The following GALNT13 variants were observed in gnomAD, a reference collection of about 807,000 sequenced individuals.
The protein encoded by GALNT13 is polypeptide N-acetylgalactosaminyltransferase 13, also known as UDP-GalNAc:polypeptide N-acetylgalactosaminyltransferase 13.
In GALNT13, 28 loss-of-function variants were observed where a neutral mutation model predicts 64.2. The ratio of observed to expected loss-of-function variants is 0.44; its 90% CI spans 0.32 to 0.60. The LOEUF is 0.60. Ranked by LOEUF, GALNT13 falls within the 20% of genes least tolerant of loss-of-function variation. The pLI is 0.05. For synonymous variants in GALNT13, 214 were observed against 224.6 expected (o/e 0.95, Z 0.42); for missense variants, 577 against 669.8 (o/e 0.86, Z 1.53).
the GALNT13 span, among the ~76,000 whole-genome samples, chr2:153,444,142 TCTATCTAC>T: frequency 6.6e-6 from 1 of 152,292 alleles, no homozygotes; most frequent in African/African-American, 2.4e-5. Context: ...CATTTATTCA[TCTATCTAC>T]CTATCTATCA....
intron 9 of GALNT13, among the ~76,000 whole-genome samples, chr2:154,332,096 A>G (rs890594553): frequency 2.6e-5 from 4 of 152,128 alleles, no homozygotes; most frequent in African/African-American, 9.6e-5. Flanking sequence ...CTTCTCATAC[A>G]TGGATAGCAA....
chr2:153,719,867 GGCA>G, the GALNT13 span, among the ~76,000 whole-genome samples: 1 of 151,842 alleles, frequency 6.6e-6, no homozygotes, highest in Admixed American at 6.6e-5. Flanking sequence ...ACTGCAAGGC[GGCA>G]GCGAGGCTGG....
At chr2:153,696,699 A>C in the GALNT13 span, among the ~76,000 whole-genome samples, 1 of 152,212 alleles carries the variant, frequency 6.6e-6, no homozygotes, top group African/African-American at 2.4e-5. Flanking sequence ...TTTGGACTGC[A>C]GTTGACCATG....
chr2:154,340,316 T>C (rs1307603601), intron 9 of GALNT13, among the ~76,000 whole-genome samples: 2 of 152,122 alleles, frequency 1.3e-5, no homozygotes, highest in Admixed American at 1.3e-4. Context: ...CTAGGACTCT[T>C]GAGCTCAAAT....
chr2:153,514,896 A>G, the GALNT13 span, among the ~76,000 whole-genome samples: 1 of 152,160 alleles, frequency 6.6e-6, no homozygotes, highest in Non-Finnish European at 1.5e-5. Flanking sequence ...TGGGAAGAGC[A>G]TACAGACAGA....
At position 154,202,811 on chromosome 2, in the gene GALNT13, C is replaced by T. The variant is rs576452805; in HGVS notation, c.312-39219C>T. ...TGTAACAATTATCCAAAATGACTAC[C>T]ATCGGTGATTCCAAGGTAACTGTGC... On this transcript the variant is annotated intron_variant, in intron 4 of 12. Coordinates refer to ENST00000392825, the MANE Select transcript of GALNT13 (RefSeq NM_052917.4). Among the ~76,000 whole-genome samples, 30 of 152,200 alleles carry T rather than the reference C, an allele frequency of 2.0e-4. No homozygotes were observed. In the South Asian group the frequency reaches 6.0e-3, roughly 30 times the overall value.
intron 10 of GALNT13, among the ~76,000 whole-genome samples, chr2:154,405,777 G>GT (rs1263015010): frequency 9.2e-5 from 14 of 152,014 alleles, no homozygotes; most frequent in Non-Finnish European, 2.1e-4. Context: ...CAACGATATT[G>GT]TGAAAAGGAA....
chr2:153,652,697 A>T, the GALNT13 span, among the ~76,000 whole-genome samples: 3 of 152,186 alleles, frequency 2.0e-5, no homozygotes, highest in Non-Finnish European at 4.4e-5. Flanking sequence ...TAGTTTGAAA[A>T]TAAAATGCAA....
At chr2:153,635,327 C>T in the GALNT13 span, among the ~76,000 whole-genome samples, 1 of 149,748 alleles carries the variant, frequency 6.7e-6, no homozygotes, top group South Asian at 2.1e-4. Context: ...GAAGGGAGTT[C>T]CTGGTATTTG....
At chr2:154,015,130 A>G (rs1382038966) in intron 3 of GALNT13, among the ~76,000 whole-genome samples, 1 of 152,216 alleles carries the variant, frequency 6.6e-6, no homozygotes, top group Admixed American at 6.5e-5. Flanking sequence ...GCAGAAGTTA[A>G]AAAAGGAAAA....
the GALNT13 span, among the ~76,000 whole-genome samples, chr2:153,525,490 G>T: frequency 5.9e-3 from 895 of 152,302 alleles, 3 homozygotes; most frequent in Non-Finnish European, 9.8e-3. Flanking sequence ...GCAACAGGAG[G>T]TGAGCAGCTG....
At chr2:153,828,138 C>A in the GALNT13 span, among the ~76,000 whole-genome samples, 1 of 152,316 alleles carries the variant, frequency 6.6e-6, no homozygotes, top group Non-Finnish European at 1.5e-5. Context: ...CATGAGCTGG[C>A]ATTGAGTGTC....
chr2:154,062,644 CA>C (rs1419266590), intron 3 of GALNT13, among the ~76,000 whole-genome samples: 4 of 152,160 alleles, frequency 2.6e-5, no homozygotes, highest in African/African-American at 9.7e-5. Flanking sequence ...CACTCACTAT[CA>C]TGAGAACAGC....
At chr2:153,899,916 C>CAT (rs869097034) in intron 1 of GALNT13, among the ~76,000 whole-genome samples, 1,637 of 125,172 alleles carry the variant, frequency 0.013, 33 homozygotes, top group Middle Eastern at 0.021. Context: ...GAGATATATA[C>CAT]ATATATATAT....
the GALNT13 span, among the ~76,000 whole-genome samples, chr2:153,401,983 G>A: frequency 6.8e-6 from 1 of 146,500 alleles, no homozygotes; most frequent in Non-Finnish European, 1.5e-5. Context: ...ATGTTAGCTG[G>A]TGATTTTGCT....
the GALNT13 span, among the ~76,000 whole-genome samples, chr2:153,460,454 A>T: frequency 6.6e-6 from 1 of 152,132 alleles, no homozygotes; most frequent in Non-Finnish European, 1.5e-5. Context: ...ACCTTTAGAT[A>T]GTTTTCAGTT....
chr2:153,647,655 A>G, the GALNT13 span, among the ~76,000 whole-genome samples: 2 of 152,184 alleles, frequency 1.3e-5, no homozygotes, highest in East Asian at 3.8e-4. Flanking sequence ...AGGTGTAAGG[A>G]AGGGATCCAG....
chr2:154,358,084 A>G (rs1696850718), intron 9 of GALNT13, among the ~76,000 whole-genome samples: 1 of 152,030 alleles, frequency 6.6e-6, no homozygotes, highest in African/African-American at 2.4e-5. Flanking sequence ...TGCTTATGGA[A>G]CACTCAACTT....
At chr2:153,784,688 T>C in the GALNT13 span, among the ~76,000 whole-genome samples, 5 of 152,120 alleles carry the variant, frequency 3.3e-5, no homozygotes, top group African/African-American at 1.2e-4. Flanking sequence ...TAAACTCACA[T>C]ACATACCCCT....
Sources: allele counts gnomAD v4.1 joint callset (sites outside exome capture counted in the v4.1 genomes callset), GRCh38; gene constraint gnomAD v4.1.1; transcripts MANE v1.5; gene names NCBI Gene and HGNC (gene_info 2026-07-23, HGNC 2026-07-21).